Variants in MARCHF6 observed in about 807,000 individuals in gnomAD.
MARCHF6 encodes the protein membrane associated ring-CH-type finger 6, also known as E3 ubiquitin-protein ligase MARCHF6.
MARCHF6 carries 31 observed loss-of-function variants against 133.7 expected under a neutral mutation model. That is an observed-to-expected ratio of 0.23 (90% CI 0.17 to 0.31). The LOEUF is 0.31. MARCHF6 is among the 10% of genes least tolerant of loss of function. The probability of loss-of-function intolerance (pLI) is 1.00; values close to 1 mark genes in which losing one functional copy is unlikely to be tolerated. For synonymous variants in MARCHF6, 395 were observed against 402.5 expected (o/e 0.98, Z 0.22); for missense variants, 723 against 1,121.6 (o/e 0.64, Z 5.08).
At position 10,434,659 on chromosome 5, in the gene MARCHF6, G is replaced by C. The variant is rs1470829436; in HGVS notation, c.*975G>C. ...GAGATGCTTGTGAAGTATAGATGTG[G>C]TTGTGGTCTTAGATTGACAGCATTA... On this transcript the variant is annotated 3_prime_UTR_variant, in exon 26 of 26. Transcript: ENST00000274140. 6.6e-6 allele frequency: 1 copy of C among 152,464 alleles called. No homozygotes were observed. The highest frequency in any genetic ancestry group is 1.9e-4 in the East Asian group (1 of 5,200). 9.4% of individuals were successfully genotyped at this position (152,464 alleles called of 1,614,324 possible).
chr5:10,391,760 T>G, intron 7 of MARCHF6, 29 bp downstream of exon 7: 3 of 1,476,728 alleles, frequency 2.0e-6, no homozygotes, highest in Non-Finnish European at 2.7e-6. Context: ...TCCTCACTCT[T>G]CAGCACTGCA....
intron 1 of MARCHF6, among the ~76,000 whole-genome samples, chr5:10,368,938 C>CA (rs2126666375): frequency 6.7e-6 from 1 of 149,346 alleles, no homozygotes; most frequent in East Asian, 2.0e-4. Flanking sequence ...GCCTGGATGA[C>CA]AAAGTAAGGC....
rs946822131 is a variant in MARCHF6 at position 10,437,251 on chromosome 5, T to C, written c.*3567T>C. ...AGCTCTCTACTTACTGTGAGAAGTT[T>C]TCTACATTGTAAAATTAAAAGATTA... On this transcript the variant is annotated 3_prime_UTR_variant, in exon 26 of 26. Transcript: ENST00000274140. 1.3e-5 allele frequency: 2 copies of C among 152,270 alleles called. No individual in the cohort carries two copies. Among genetic ancestry groups the C allele is most frequent in the African/African-American group, 4.8e-5 (2 of 41,472 alleles). 9.4% of individuals were successfully genotyped at this position (152,270 alleles called of 1,614,324 possible). A position where few individuals can be genotyped will look rare whatever the true frequency, so the allele number is the denominator to read the frequency against.
At chr5:10,370,092 ATTTT>A (rs762064486) in intron 1 of MARCHF6, among the ~76,000 whole-genome samples, 132 of 64,954 alleles carry the variant, frequency 2.0e-3, no homozygotes, top group African/African-American at 8.4e-3. Flanking sequence ...TCTTACTGTG[ATTTT>A]TTTTTTTTTT....
At chr5:10,369,094 C>T (rs1736307725) in intron 1 of MARCHF6, among the ~76,000 whole-genome samples, 1 of 152,164 alleles carries the variant, frequency 6.6e-6, no homozygotes, top group Non-Finnish European at 1.5e-5. Context: ...AGGGAAAATG[C>T]AGTGTGATGA....
At chr5:10,354,751 T>C (rs1735338149) in intron 1 of MARCHF6, 1 of 152,234 alleles carries the variant, frequency 6.6e-6, no homozygotes, top group Non-Finnish European at 1.5e-5. Context: ...TTGCTTTTTT[T>C]GATGTTCCGG....
chr5:10,414,402 A>C (rs1348208437), intron 19 of MARCHF6, 31 bp from the exon 20 acceptor site: 2 of 1,309,094 alleles, frequency 1.5e-6, no homozygotes, highest in Admixed American at 3.5e-5. Flanking sequence ...CGTGTTCTCT[A>C]TTTATGCACT....
At chr5:10,402,174 A>G (rs761089116) in intron 12 of MARCHF6, 35 bp downstream of exon 12, 6 of 1,303,806 alleles carry the variant, frequency 4.6e-6, no homozygotes, top group Non-Finnish European at 6.6e-6. Context: ...GTGTACACTA[A>G]TATTATTCAT....
intron 22 of MARCHF6, among the ~76,000 whole-genome samples, chr5:10,423,431 C>A (rs1739929638): frequency 6.6e-6 from 1 of 152,164 alleles, no homozygotes; most frequent in African/African-American, 2.4e-5. Context: ...GAAATAAAAT[C>A]TTGGCATTTA....
intron 25 of MARCHF6, among the ~76,000 whole-genome samples, chr5:10,432,164 A>G (rs952583976): frequency 1.3e-5 from 2 of 152,220 alleles, no homozygotes; most frequent in African/African-American, 2.4e-5. Context: ...GTGATAGATA[A>G]AAGTCAAGGT....
Position 10,379,188 on chromosome 5 carries a change from A to G in MARCHF6, c.190+356A>G, listed in dbSNP as rs992779646. Among the ~76,000 whole-genome samples, 55 of 152,188 alleles carry G rather than the reference A, an allele frequency of 3.6e-4. 1 individual carries two copies. The highest frequency in any genetic ancestry group is 3.4e-3 in the Middle Eastern group (1 of 294). On this transcript the variant is annotated intron_variant, in intron 3 of 25. Coordinates refer to ENST00000274140, the MANE Select transcript of MARCHF6 (RefSeq NM_005885.4). ...CAACTCATAGCCTGTCTTGTTTTAC[A>G]TACACTCTTGTTCCCTGCCTCTTTA...
At chr5:10,403,014 A>G (rs904512892) in intron 14 of MARCHF6, among the ~76,000 whole-genome samples, 1 of 152,212 alleles carries the variant, frequency 6.6e-6, no homozygotes, top group Admixed American at 6.5e-5. Context: ...GCTGTTAGTG[A>G]TAATCAGTTT....
chr5:10,371,997 C>T (rs1219391098), intron 1 of MARCHF6, among the ~76,000 whole-genome samples: 1 of 151,318 alleles, frequency 6.6e-6, no homozygotes, highest in African/African-American at 2.4e-5. Flanking sequence ...TGGTGGTGTG[C>T]TCCTGTAATG....
chr5:10,378,374 ACTTGTC>A (rs1736915094), intron 2 of MARCHF6, among the ~76,000 whole-genome samples: 1 of 152,190 alleles, frequency 6.6e-6, no homozygotes, highest in Admixed American at 6.5e-5. Context: ...AGGCTAGATA[ACTTGTC>A]CTTGGCCACA....
intron 1 of MARCHF6, among the ~76,000 whole-genome samples, chr5:10,376,779 G>A (rs765754919): frequency 6.6e-6 from 1 of 152,140 alleles, no homozygotes; most frequent in Non-Finnish European, 1.5e-5. Flanking sequence ...CACTGCTCTC[G>A]GCATGTGCTC....
In MARCHF6 at chr5:10,383,627, A is replaced by C. The variant is rs201281563; in HGVS notation, c.334+1684A>C. Among the ~76,000 whole-genome samples, 7 of 152,352 alleles carry C rather than the reference A, an allele frequency of 4.6e-5. No individual in the cohort carries two copies. The East Asian group carries it at 1.3e-3, about 29-fold the overall frequency. On this transcript the variant is annotated intron_variant, in intron 4 of 25. Coordinates refer to ENST00000274140, the MANE Select transcript of MARCHF6 (RefSeq NM_005885.4). Reference sequence around the variant, plus strand: ...TTACTCTCAGATTGAAGGACAAACTACAGATGTTTCAATGGATGTGAGGGA... The same window carrying C: ...TTACTCTCAGATTGAAGGACAAACTCCAGATGTTTCAATGGATGTGAGGGA...
Position 10,365,387 on chromosome 5 carries a change from G to A in MARCHF6, c.19+11470G>A, listed in dbSNP as rs556728052. On this transcript the variant is annotated intron_variant, in intron 1 of 25. Transcript: ENST00000274140. ...ACGATCTTGGCTCACCGCAACCTCCGCCTCCCGGGTTCAAGCGATTCTCCT... is the reference window on the plus strand; with the variant it reads ...ACGATCTTGGCTCACCGCAACCTCCACCTCCCGGGTTCAAGCGATTCTCCT... Among the ~76,000 whole-genome samples the A allele has an allele frequency of 2.6e-5, 4 of 151,894 alleles. No individual in the cohort carries two copies. The South Asian group carries it at 6.3e-4, about 24-fold the overall frequency.
At chr5:10,424,709 T>C (rs1739994447) in intron 23 of MARCHF6, among the ~76,000 whole-genome samples, 2 of 152,154 alleles carry the variant, frequency 1.3e-5, no homozygotes, top group Non-Finnish European at 2.9e-5. Flanking sequence ...AAGCCTGTAG[T>C]AGATTTGGAG....
rs1371222728 is a variant in MARCHF6, at chr5:10,438,585, G to A, written c.*4901G>A. On this transcript the variant is annotated 3_prime_UTR_variant, in exon 26 of 26. Coordinates refer to ENST00000274140, the MANE Select transcript of MARCHF6 (RefSeq NM_005885.4). ...TGATAAGGAGAACTAACGTATCAAGGGGCTGAGAGGGTAACGTTCCCCTCC... is the reference window on the plus strand; with the variant it reads ...TGATAAGGAGAACTAACGTATCAAGAGGCTGAGAGGGTAACGTTCCCCTCC... 1 of 152,144 alleles carries A rather than the reference G, an allele frequency of 6.6e-6. No homozygotes were observed. The highest frequency in any genetic ancestry group is 1.5e-5 in the Non-Finnish European group (1 of 68,044). The allele number at this position is 152,144 out of a possible 1,614,324, so 9.4% of individuals were successfully genotyped here. A position where few individuals can be genotyped will look rare whatever the true frequency, so the allele number is the denominator to read the frequency against.
Sources: allele counts gnomAD v4.1 joint callset (sites outside exome capture counted in the v4.1 genomes callset), GRCh38; gene constraint gnomAD v4.1.1; transcripts MANE v1.5; gene names NCBI Gene and HGNC (gene_info 2026-07-23, HGNC 2026-07-21).